The following TRPM3 variants were observed in gnomAD, a reference collection of about 807,000 sequenced individuals.
The protein encoded by TRPM3 is long transient receptor potential channel 3.
In TRPM3, 77 loss-of-function variants were observed where a neutral mutation model predicts 181.2. The observed-to-expected ratio is 0.42, with a 90% confidence interval of 0.35 to 0.51. The LOEUF is 0.51. Ranked by LOEUF, TRPM3 falls within the 20% of genes least tolerant of loss-of-function variation. The probability of loss-of-function intolerance (pLI) is 0.01; values close to 1 mark genes in which losing one functional copy is unlikely to be tolerated. For missense variants in TRPM3, 1,759 were observed against 2,196.7 expected (o/e 0.80, Z 3.98); for synonymous variants, 745 against 796.4 (o/e 0.94, Z 1.09).
At chr9:70,603,231 A>C in intron 20 of TRPM3, 111 bp downstream of exon 20, 1 of 1,349,016 alleles carries the variant, frequency 7.4e-7, no homozygotes, top group South Asian at 1.4e-5. Flanking sequence ...AGAGTTAGAG[A>C]AAACAGTTTC....
chr9:71,116,457 C>A (rs2072401883), intron 1 of TRPM3, among the ~76,000 whole-genome samples: 1 of 152,170 alleles, frequency 6.6e-6, no homozygotes, highest in Admixed American at 6.5e-5. Context: ...GAAATCAGTT[C>A]CTGGAATGCC....
chr9:70,856,641 C>T (rs78183891), intron 3 of TRPM3, among the ~76,000 whole-genome samples: 3,077 of 152,212 alleles, frequency 0.02, 51 homozygotes, highest in South Asian at 0.045. Context: ...ACACCCACAA[C>T]GCCCAGAGAA....
intron 1 of TRPM3, among the ~76,000 whole-genome samples, chr9:71,168,611 TTTTTTATTA>T (rs1178621544): frequency 6.4e-5 from 8 of 125,958 alleles, no homozygotes; most frequent in Non-Finnish European, 1.2e-4. Flanking sequence ...TTTTATTTAT[TTTTTTATTA>T]TTATTTTTTT....
chr9:70,541,219 G>A (rs958341819), intron 25 of TRPM3, among the ~76,000 whole-genome samples: 19 of 152,204 alleles, frequency 1.2e-4, no homozygotes, highest in African/African-American at 4.3e-4. Context: ...GGAACCAGGG[G>A]AGGGAGGCCT....
intron 1 of TRPM3, among the ~76,000 whole-genome samples, chr9:71,185,340 C>T (rs192637432): frequency 2.1e-4 from 32 of 152,224 alleles, no homozygotes; most frequent in African/African-American, 7.5e-4. Context: ...GATCCCATCC[C>T]TTTATCTAAA....
chr9:71,384,343 A>G (rs2092877283), intron 1 of TRPM3, among the ~76,000 whole-genome samples: 1 of 152,238 alleles, frequency 6.6e-6, no homozygotes, highest in Non-Finnish European at 1.5e-5. Context: ...AAAGCATTAG[A>G]ACAAATGGAA....
intron 25 of TRPM3, among the ~76,000 whole-genome samples, chr9:70,543,878 AT>A (rs1338632546): frequency 2.6e-5 from 4 of 152,196 alleles, no homozygotes; most frequent in Admixed American, 6.5e-5. Flanking sequence ...TTAAATGCCT[AT>A]AGGCAGGCAG....
intron 1 of TRPM3, among the ~76,000 whole-genome samples, chr9:71,198,446 T>C (rs2078542031): frequency 6.6e-6 from 1 of 152,194 alleles, no homozygotes; most frequent in African/African-American, 2.4e-5. Flanking sequence ...GCATTAAATC[T>C]ATAAATTACC....
At chr9:71,035,380 G>A (rs539578733) in intron 1 of TRPM3, among the ~76,000 whole-genome samples, 1 of 152,304 alleles carries the variant, frequency 6.6e-6, no homozygotes, top group East Asian at 1.9e-4. Flanking sequence ...GGCACTAGAA[G>A]GCATAAATTT....
intron 1 of TRPM3, among the ~76,000 whole-genome samples, chr9:71,169,739 G>A (rs1053139000): frequency 6.6e-6 from 1 of 152,030 alleles, no homozygotes; most frequent in Non-Finnish European, 1.5e-5. Flanking sequence ...CGGATCACCT[G>A]AGGTAAGGAG....
intron 1 of TRPM3, among the ~76,000 whole-genome samples, chr9:71,065,461 G>C (rs1355696875): frequency 1.3e-5 from 2 of 152,078 alleles, no homozygotes; most frequent in Non-Finnish European, 2.9e-5. Context: ...GGGACCATCT[G>C]TGCTGCTACT....
intron 9 of TRPM3, among the ~76,000 whole-genome samples, chr9:70,668,597 G>A (rs754511297): frequency 2.7e-5 from 4 of 150,506 alleles, no homozygotes; most frequent in South Asian, 2.1e-4. Context: ...CCCGGGAGGC[G>A]GAGCTTCCAG....
chr9:71,366,536 T>C (rs1000668607), intron 1 of TRPM3, among the ~76,000 whole-genome samples: 2 of 152,264 alleles, frequency 1.3e-5, no homozygotes, highest in Admixed American at 6.5e-5. Context: ...ACAGAACCAG[T>C]TGGCCTAGGA....
intron 1 of TRPM3, among the ~76,000 whole-genome samples, chr9:71,097,891 TAG>T: frequency 6.6e-6 from 1 of 152,184 alleles, no homozygotes; most frequent in South Asian, 2.1e-4. Flanking sequence ...GGCACAAAGT[TAG>T]AGACATGTGG....
At chr9:70,854,159 A>C (rs867778801) in intron 3 of TRPM3, among the ~76,000 whole-genome samples, 3 of 152,178 alleles carry the variant, frequency 2.0e-5, no homozygotes, top group Non-Finnish European at 4.4e-5. Flanking sequence ...AGCAATTTTG[A>C]CTGTCACTTG....
chr9:70,872,178 C>A (rs1472305355), intron 1 of TRPM3, among the ~76,000 whole-genome samples: 2 of 151,894 alleles, frequency 1.3e-5, no homozygotes, highest in Non-Finnish European at 2.9e-5. Context: ...ATATTCAACT[C>A]TTGTTGTAGC....
chr9:70,676,640 C>G (rs1344186709), intron 9 of TRPM3, among the ~76,000 whole-genome samples: 1 of 152,116 alleles, frequency 6.6e-6, no homozygotes, highest in Non-Finnish European at 1.5e-5. Flanking sequence ...TCCCTAAATT[C>G]TTGAGTTATT....
intron 1 of TRPM3, among the ~76,000 whole-genome samples, chr9:70,954,469 A>G (rs1367448197): frequency 4.6e-5 from 7 of 152,128 alleles, no homozygotes; most frequent in Non-Finnish European, 8.8e-5. Context: ...CTTGTCTCTA[A>G]GACTCATTTT....
intron 1 of TRPM3, among the ~76,000 whole-genome samples, chr9:71,299,357 G>A (rs898593754): frequency 1.3e-5 from 2 of 152,118 alleles, no homozygotes; most frequent in African/African-American, 4.8e-5. Flanking sequence ...AAATGCTAGT[G>A]TGTGTTAATC....
Sources: gnomAD v4.1 joint callset for allele counts (sites outside exome capture counted in the v4.1 genomes callset) on GRCh38, gnomAD v4.1.1 for gene constraint, MANE v1.5 for transcripts, NCBI Gene and HGNC (gene_info 2026-07-23, HGNC 2026-07-21) for gene names.